Variants in HIRA observed in about 807,000 individuals in gnomAD.
The protein encoded by HIRA is histone cell cycle regulator.
In HIRA, 13 loss-of-function variants were observed where a neutral mutation model predicts 126.6. The observed-to-expected ratio is 0.10, with a 90% CI of 0.07 to 0.16. HIRA has a LOEUF of 0.16. Among genes scored for constraint, HIRA ranks in the 10% least tolerant of loss-of-function variants. The pLI, the probability that HIRA is intolerant of heterozygous loss-of-function variation, is 1.00. For missense variants in HIRA, 834 were observed against 1,314.4 expected (o/e 0.63, Z 5.65); for synonymous variants, 511 against 520.0 (o/e 0.98, Z 0.24).
At chr22:19,421,980 C>T (rs2089449884) in intron 1 of HIRA, among the ~76,000 whole-genome samples, 1 of 151,912 alleles carries the variant, frequency 6.6e-6, no homozygotes, top group South Asian at 2.1e-4. Flanking sequence ...CCTGTTCTAT[C>T]TTATCTCATA....
Position 19,377,160 on chromosome 22 carries a change from C to A in HIRA, c.1613+709G>T, listed in dbSNP as rs571100441. Among the ~76,000 whole-genome samples, 348 of 152,302 alleles carry A rather than the reference C, an allele frequency of 2.3e-3. 1 individual carries two copies. The highest frequency in any genetic ancestry group is 3.4e-3 in the Non-Finnish European group (230 of 68,004). On this transcript the variant is annotated intron_variant, in intron 14 of 24. Transcript: ENST00000263208. ...TCCCTGATCCCTGAGATACCAGCCCCTCTTTGGATGGCTAGCCATTTCTAT... is the reference window on the plus strand; with the variant it reads ...TCCCTGATCCCTGAGATACCAGCCCATCTTTGGATGGCTAGCCATTTCTAT...
At chr22:19,359,774 A>G (rs1156478892) in intron 17 of HIRA, among the ~76,000 whole-genome samples, 4 of 152,204 alleles carry the variant, frequency 2.6e-5, no homozygotes, top group Non-Finnish European at 4.4e-5. Context: ...AAGACCCCAA[A>G]GTCTCCCAAC....
At position 19,353,437 on chromosome 22, in the gene HIRA, C is replaced by A. The variant is rs2088778636; in HGVS notation, c.2767G>T (p.Val923Leu). Residue 923 changes from valine to leucine, a missense_variant, in exon 23 of 25, where the codon GTG becomes TTG. Physicochemically the swap from Val to Leu is conservative, Grantham distance 32 (BLOSUM62 1). Coordinates refer to ENST00000263208, the MANE Select transcript of HIRA (RefSeq NM_003325.4). The part of the protein sequence containing the change: ...ETTLAYLENQ[V>L]AAALTLQSSH... ...GACTGCAGGGTGAGTGCTGCTGCCA[C>A]CTGGTTCTCTAGGTAGGCCAGGGTG... is the stretch of plus-strand genomic sequence containing the variant. 2.5e-6 allele frequency: 4 copies of A among 1,613,080 alleles called. No individual in the cohort carries two copies. The highest frequency in any genetic ancestry group is 3.4e-6 in the Non-Finnish European group (4 of 1,179,936).
At position 19,396,966 on chromosome 22, in the gene HIRA, T is replaced by C. The variant is rs1268839795; in HGVS notation, c.494-19A>G. ...AGAATTTCTGTGAAGAAAAAAGGAA[T>C]GTGGAGAGGTGTTGTCTGAGGGAAA... On this transcript the variant is annotated intron_variant, in intron 6 of 24. Coordinates refer to ENST00000263208, the MANE Select transcript of HIRA (RefSeq NM_003325.4). 16 of 1,612,616 alleles carry C rather than the reference T, an allele frequency of 9.9e-6. No individual in the cohort carries two copies. The highest frequency in any genetic ancestry group is 6.6e-5 in the South Asian group (6 of 91,030).
intron 1 of HIRA, among the ~76,000 whole-genome samples, chr22:19,423,964 CA>C (rs1298027974): frequency 6.6e-6 from 1 of 152,124 alleles, no homozygotes; most frequent in African/African-American, 2.4e-5. Flanking sequence ...TAGAAAGAGC[CA>C]GCCAGGATGA....
chr22:19,404,775 C>T (rs892886933), intron 5 of HIRA, among the ~76,000 whole-genome samples: 1 of 152,162 alleles, frequency 6.6e-6, no homozygotes, highest in South Asian at 2.1e-4. Flanking sequence ...GCCTGTTGTC[C>T]TTAGGGTCTC....
chr22:19,334,221 C>T lies in HIRA; in HGVS notation c.2938-2665G>A, dbSNP rs202152218. On this transcript the variant is annotated intron_variant, in intron 24 of 24. Coordinates refer to ENST00000263208, the MANE Select transcript of HIRA (RefSeq NM_003325.4). The stretch of plus-strand genomic sequence containing the variant: ...CGATCTCCTGACCTTGTGATCCGCC[C>T]GCCTTGGCCTCCCAAAGTGCTGGGA... 1.3e-4 allele frequency among the ~76,000 whole-genome samples: 19 copies of T among 151,724 alleles called. No individual in the cohort carries two copies. The East Asian group carries it at 3.4e-3, about 27-fold the overall frequency.
At chr22:19,339,969 C>A (rs1276280921) in intron 24 of HIRA, among the ~76,000 whole-genome samples, 4 of 152,164 alleles carry the variant, frequency 2.6e-5, no homozygotes, top group African/African-American at 9.7e-5. Context: ...ACCAATCTTA[C>A]TGAAGCTATT....
chr22:19,355,738 G>C (rs377444256), intron 21 of HIRA, 22 bp downstream of exon 21: 1 of 1,537,474 alleles, frequency 6.5e-7, no homozygotes, highest in African/African-American at 1.4e-5. Flanking sequence ...CAGGGAATAG[G>C]ACTGGGGGTC....
intron 1 of HIRA, among the ~76,000 whole-genome samples, chr22:19,412,429 A>C (rs905517857): frequency 6.6e-6 from 1 of 152,264 alleles, no homozygotes; most frequent in African/African-American, 2.4e-5. Flanking sequence ...TTAAGCCAGC[A>C]AATTTAGGGG....
Position 19,359,311 on chromosome 22 carries a change from C to T in HIRA, c.2234+25G>A, listed in dbSNP as rs201236759. On this transcript the variant is annotated intron_variant, in intron 18 of 24. Transcript: ENST00000263208. ...GCATGTGTGCCTGTGTCACCTGGGC[C>T]GGCTAAGGACCTGCCCACCCTTACC... 2.2e-5 allele frequency: 34 copies of T among 1,523,586 alleles called. No homozygotes were observed. In the African/African-American group the frequency reaches 2.6e-4, roughly 12 times the overall value. 94.4% of individuals were successfully genotyped at this position (1,523,586 alleles called of 1,614,324 possible). A position where few individuals can be genotyped will look rare whatever the true frequency, so the allele number is the denominator to read the frequency against.
intron 24 of HIRA, among the ~76,000 whole-genome samples, chr22:19,334,067 T>C (rs1020154387): frequency 4.0e-5 from 6 of 151,304 alleles, no homozygotes; most frequent in African/African-American, 9.7e-5. Context: ...CTCCGCCTCC[T>C]GGGTTCACAC....
intron 24 of HIRA, among the ~76,000 whole-genome samples, chr22:19,335,457 C>T (rs1039176141): frequency 1.3e-5 from 2 of 152,290 alleles, no homozygotes; most frequent in South Asian, 4.1e-4. Context: ...GTTGGCCAGG[C>T]TGGTCTTGAA....
At chr22:19,371,038 T>C (rs549323455) in intron 15 of HIRA, among the ~76,000 whole-genome samples, 1 of 152,180 alleles carries the variant, frequency 6.6e-6, no homozygotes, top group African/African-American at 2.4e-5. Context: ...ACATGAGAGA[T>C]AAGGGCCACA....
chr22:19,370,550 C>T (rs181456616), intron 15 of HIRA, among the ~76,000 whole-genome samples: 2 of 152,292 alleles, frequency 1.3e-5, no homozygotes, highest in Non-Finnish European at 1.5e-5. Context: ...ACCAGGCCTC[C>T]AGTGATGGGT....
Position 19,414,022 on chromosome 22 carries a change from A to G in HIRA, c.38-3244T>C, listed in dbSNP as rs1050166707. ...CTGTGGCACAGCATGATGATGACAA[A>G]GATGAGTTCCCAACTACCTCCAGTG... On this transcript the variant is annotated intron_variant, in intron 1 of 24. Transcript: ENST00000263208. 4.6e-5 allele frequency among the ~76,000 whole-genome samples: 7 copies of G among 152,152 alleles called. No individual in the cohort carries two copies. The East Asian group carries it at 1.3e-3, about 29-fold the overall frequency.
chr22:19,336,299 A>G (rs782471897), intron 24 of HIRA, among the ~76,000 whole-genome samples: 1 of 152,224 alleles, frequency 6.6e-6, no homozygotes, highest in Non-Finnish European at 1.5e-5. Context: ...ACCACTGCAA[A>G]AGCACACCAG....
At chr22:19,349,868 C>T (rs146611205) in intron 24 of HIRA, among the ~76,000 whole-genome samples, 5 of 152,344 alleles carry the variant, frequency 3.3e-5, no homozygotes, top group African/African-American at 1.2e-4. Flanking sequence ...TCCAAGCTCT[C>T]CCACCTCAGG....
intron 1 of HIRA, among the ~76,000 whole-genome samples, chr22:19,420,040 T>C (rs1046397812): frequency 1.4e-5 from 2 of 147,224 alleles, no homozygotes; most frequent in Admixed American, 6.8e-5. Context: ...CATACAACCA[T>C]TGTGTGTGTG....
Sources: allele counts gnomAD v4.1 joint callset (sites outside exome capture counted in the v4.1 genomes callset), GRCh38; gene constraint gnomAD v4.1.1; transcripts MANE v1.5; gene names NCBI Gene and HGNC (gene_info 2026-07-23, HGNC 2026-07-21).